ITFG1: variants seen among roughly 807,000 people sequenced by gnomAD.
ITFG1 encodes T-cell immunomodulatory protein.
A neutral mutation model predicts 81.8 loss-of-function variants in ITFG1; 34 were observed. The ratio of observed to expected loss-of-function variants is 0.42; its 90% CI spans 0.32 to 0.55. The LOEUF (loss-of-function observed/expected upper bound fraction) is 0.55, where lower values mean the gene tolerates loss of function less well. Ranked by LOEUF, ITFG1 falls within the 20% of genes least tolerant of loss-of-function variation. The pLI, the probability that ITFG1 is intolerant of heterozygous loss-of-function variation, is 0.17. For synonymous variants in ITFG1, 285 were observed against 270.6 expected, an observed-to-expected ratio of 1.05 and a Z score of -0.52; for missense variants, 672 against 755.4, an observed-to-expected ratio of 0.89 and a Z score of 1.29.
At position 47,154,680 on chromosome 16, in the gene ITFG1, A is replaced by C. The variant is rs1964676120; in HGVS notation, c.*1039T>G. On this transcript the variant is annotated 3_prime_UTR_variant, in exon 18 of 18. Transcript: ENST00000320640. ...CTGAATGTAAATTATAGACTTCTCC[A>C]AGTGTTTGAGAATAGAAATGTGATT... 1 of 152,208 alleles carries C rather than the reference A, an allele frequency of 6.6e-6. No homozygotes were observed. The allele number at this position is 152,208 out of a possible 1,614,324, so 9.4% of individuals were successfully genotyped here. A position where few individuals can be genotyped will look rare whatever the true frequency, so the allele number is the denominator to read the frequency against.
chr16:47,338,147 C>T (rs188602849), intron 8 of ITFG1, among the ~76,000 whole-genome samples: 2 of 152,270 alleles, frequency 1.3e-5, no homozygotes, highest in African/African-American at 4.8e-5. Flanking sequence ...CAGTGGCCCA[C>T]GCCTGTAATC....
intron 10 of ITFG1, among the ~76,000 whole-genome samples, chr16:47,306,030 T>A (rs2151561926): frequency 6.6e-6 from 1 of 152,180 alleles, no homozygotes; most frequent in East Asian, 1.9e-4. Context: ...CGAGAAGTAA[T>A]CGGGGTCGGG....
chr16:47,282,722 G>A (rs758180166), intron 10 of ITFG1, among the ~76,000 whole-genome samples: 22 of 152,112 alleles, frequency 1.4e-4, no homozygotes, highest in Non-Finnish European at 3.1e-4. Context: ...CAGCAAATAA[G>A]TGGCCCCTTT....
At chr16:47,404,415 T>C (rs1417996093) in intron 6 of ITFG1, among the ~76,000 whole-genome samples, 2 of 152,188 alleles carry the variant, frequency 1.3e-5, no homozygotes, top group Non-Finnish European at 2.9e-5. Context: ...GCCCCCTTTA[T>C]TGGTAATCAT....
chr16:47,304,868 T>G (rs1967133272), intron 10 of ITFG1, among the ~76,000 whole-genome samples: 1 of 152,182 alleles, frequency 6.6e-6, no homozygotes, highest in African/African-American at 2.4e-5. Context: ...CCACTATTCT[T>G]GTAAAAAAGC....
At chr16:47,208,825 G>C (rs962920973) in intron 14 of ITFG1, among the ~76,000 whole-genome samples, 1 of 152,186 alleles carries the variant, frequency 6.6e-6, no homozygotes, top group Non-Finnish European at 1.5e-5. Context: ...ACATTTGTAA[G>C]AGTAAAACCT....
chr16:47,294,010 G>C (rs1966948854), intron 10 of ITFG1, among the ~76,000 whole-genome samples: 1 of 151,978 alleles, frequency 6.6e-6, no homozygotes, highest in Non-Finnish European at 1.5e-5. Flanking sequence ...TTATATTTCA[G>C]TTCTTGATCC....
intron 6 of ITFG1, among the ~76,000 whole-genome samples, chr16:47,400,762 G>T (rs1968651431): frequency 6.6e-6 from 1 of 152,202 alleles, no homozygotes; most frequent in East Asian, 1.9e-4. Context: ...CTGGGGCAGA[G>T]GAAACAGCAT....
intron 8 of ITFG1, among the ~76,000 whole-genome samples, chr16:47,350,670 T>C (rs1292262222): frequency 2.0e-5 from 3 of 152,276 alleles, no homozygotes; most frequent in East Asian, 3.9e-4. Flanking sequence ...TCTGAAACTA[T>C]TCCAATCAAT....
chr16:47,290,463 A>T (rs1308558991), intron 10 of ITFG1, among the ~76,000 whole-genome samples: 1 of 152,074 alleles, frequency 6.6e-6, no homozygotes, highest in African/African-American at 2.4e-5. Context: ...AGATCTAAGA[A>T]TATTTGCTTT....
In ITFG1 at chr16:47,241,939, G is replaced by T. The variant is rs1211658964; in HGVS notation, c.1331-3931C>A. On this transcript the variant is annotated intron_variant, in intron 12 of 17. Transcript: ENST00000320640. The stretch of plus-strand genomic sequence containing the variant: ...ACTGCTCTCCAGCCTGGGTGACAGA[G>T]CAAGACTCCGTCTCAAAAAAAAAAA... 2.0e-5 allele frequency among the ~76,000 whole-genome samples: 3 copies of T among 147,512 alleles called. No individual in the cohort carries two copies. In the South Asian group the frequency reaches 6.4e-4, roughly 32 times the overall value.
At position 47,313,782 on chromosome 16, in the gene ITFG1, C is replaced by T. The variant is rs755577053; in HGVS notation, c.844G>A (p.Asp282Asn). The T allele has an allele frequency of 6.2e-7, 1 of 1,608,696 alleles. No homozygotes were observed. The highest frequency in any genetic ancestry group is 1.3e-5 in the African/African-American group (1 of 74,616). ...HMDHLLPGCEDKNCQKSTIYL... is the reference protein window; with the variant it reads ...HMDHLLPGCENKNCQKSTIYL... ...ATGGTACTCTTTTGGCAATTTTTAT[C>T]TTCACAGCCTGGCAGTAAATGATCC... is the stretch of plus-strand genomic sequence containing the variant. Residue 282 changes from aspartate (D) to asparagine (N), a missense_variant, in exon 9 of 18, where the codon GAT becomes AAT. Coordinates refer to ENST00000320640, the MANE Select transcript of ITFG1 (RefSeq NM_030790.5).
At chr16:47,260,767 T>C in intron 10 of ITFG1, 72 bp from the exon 11 acceptor site, 1 of 1,485,286 alleles carries the variant, frequency 6.7e-7, no homozygotes, top group Non-Finnish European at 9.3e-7. Context: ...TAGTATTTCC[T>C]AGATTAAAAG....
At position 47,162,578 on chromosome 16, in the gene ITFG1, G is replaced by T; in HGVS notation, c.1540C>A (p.His514Asn). 1 of 1,612,002 alleles carries T rather than the reference G, an allele frequency of 6.2e-7. No homozygotes were observed. Among genetic ancestry groups the T allele is most frequent in the South Asian group, 1.1e-5 (1 of 90,786 alleles). Residue 514 changes from histidine (H) to asparagine (N), a missense_variant, in exon 15 of 18, where the codon CAT (histidine) becomes AAT (asparagine). By Grantham distance (68) the His-to-Asn change is moderately conservative. Coordinates refer to ENST00000320640, the MANE Select transcript of ITFG1 (RefSeq NM_030790.5). ...GLGRSANFLDHLYVGIPRPSG... is the reference protein window; with the variant it reads ...GLGRSANFLDNLYVGIPRPSG... ...GGACGGGGAATACCAACGTAGAGAT[G>T]GTCAAGAAAATTTGCGCTCCGACCT...
chr16:47,404,944 AT>A (rs939390035), intron 6 of ITFG1, among the ~76,000 whole-genome samples: 1 of 151,834 alleles, frequency 6.6e-6, no homozygotes, highest in African/African-American at 2.4e-5. Flanking sequence ...GCCCATTTAT[AT>A]TTTTTTCCCA....
intron 10 of ITFG1, among the ~76,000 whole-genome samples, chr16:47,291,806 T>C (rs1310536574): frequency 3.9e-5 from 6 of 152,186 alleles, no homozygotes. Flanking sequence ...TTTTATTTTT[T>C]TATTATGATT....
chr16:47,217,700 T>A (rs1287932207), intron 14 of ITFG1, among the ~76,000 whole-genome samples: 1 of 152,124 alleles, frequency 6.6e-6, no homozygotes, highest in Non-Finnish European at 1.5e-5. Context: ...TGAGGCAGAC[T>A]GATCATGAGG....
intron 14 of ITFG1, among the ~76,000 whole-genome samples, chr16:47,205,515 A>G (rs557571033): frequency 6.6e-6 from 1 of 152,232 alleles, no homozygotes; most frequent in Non-Finnish European, 1.5e-5. Flanking sequence ...TTTCCTGCAT[A>G]ATCAGCCTGG....
intron 10 of ITFG1, among the ~76,000 whole-genome samples, chr16:47,265,103 CTATTAT>C (rs140472658): frequency 3.9e-4 from 58 of 150,160 alleles, no homozygotes; most frequent in Admixed American, 3.3e-4. Flanking sequence ...TTAATAACTG[CTATTAT>C]TATTATTATT....
Sources: gnomAD v4.1 joint callset for allele counts (sites outside exome capture counted in the v4.1 genomes callset) on GRCh38, gnomAD v4.1.1 for gene constraint, MANE v1.5 for transcripts, NCBI Gene and HGNC (gene_info 2026-07-23, HGNC 2026-07-21) for gene names.